HEXD: variants seen among roughly 807,000 people sequenced by gnomAD.
HEXD encodes hexosaminidase D.
In HEXD, 47 loss-of-function variants were observed where a neutral mutation model predicts 54.2. The observed-to-expected ratio is 0.87, with a 90% CI of 0.69 to 1.11. The LOEUF is 1.11. Among genes scored for constraint, HEXD ranks in the 50% least tolerant of loss-of-function variants. HEXD has a pLI of 0.00. For synonymous variants in HEXD, 293 were observed against 287.6 expected (o/e 1.02, Z -0.19); for missense variants, 576 against 649.2 (o/e 0.89, Z 1.23).
chr17:82,441,418 G>A, intron 11 of HEXD, 152 bp downstream of exon 11: 1 of 881,960 alleles, frequency 1.1e-6, no homozygotes, highest in Non-Finnish European at 1.7e-6. Flanking sequence ...TGAGGGGCAG[G>A]TGTGGGTGGG....
chr17:82,436,894 G>A (rs368892880), intron 7 of HEXD, 156 bp downstream of exon 7: 22 of 688,452 alleles, frequency 3.2e-5, no homozygotes, highest in East Asian at 1.7e-4. Context: ...ATGGTGCCTC[G>A]GGACGGCCAC....
rs150759806 is a variant in HEXD at position 82,419,780 on chromosome 17, A to T, written c.-20A>T. On this transcript the variant is annotated 5_prime_UTR_variant, in exon 2 of 13. Coordinates refer to ENST00000327949, the MANE Select transcript of HEXD (RefSeq NM_001330542.2). ...GTCCCCAAGGAGACTTCGCCATAGGAGTTCACAGGAAATATTGAAATGTCA... is the reference window on the plus strand; with the variant it reads ...GTCCCCAAGGAGACTTCGCCATAGGTGTTCACAGGAAATATTGAAATGTCA... 1.3e-6 allele frequency: 2 copies of T among 1,528,906 alleles called. No homozygotes were observed. The highest frequency in any genetic ancestry group is 3.4e-5 in the Admixed American group (2 of 59,622). The allele number at this position is 1,528,906 out of a possible 1,614,324, so 94.7% of individuals were successfully genotyped here.
At position 82,433,322 on chromosome 17, in the gene HEXD, A is replaced by G. The variant is rs538805658; in HGVS notation, c.283-336A>G. Among the ~76,000 whole-genome samples, 23 of 151,096 alleles carry G rather than the reference A, an allele frequency of 1.5e-4. 1 individual carries two copies. The highest frequency in any genetic ancestry group is 5.6e-4 in the African/African-American group (23 of 41,170). On this transcript the variant is annotated intron_variant, in intron 4 of 12. Transcript: ENST00000327949. Reference sequence around the variant, plus strand: ...CCAGGCGTGGTGGCACATGCCTGTAATCCCCAGCTACTGGGAAGGCTGAGG... The same window carrying G: ...CCAGGCGTGGTGGCACATGCCTGTAGTCCCCAGCTACTGGGAAGGCTGAGG...
Position 82,419,661 on chromosome 17 carries a change from A to G in HEXD, c.-51-88A>G, listed in dbSNP as rs941989503. The G allele has an allele frequency of 9.2e-6, 5 of 541,906 alleles. No homozygotes were observed. In the African/African-American group the frequency reaches 9.7e-5, roughly 11 times the overall value. 33.6% of individuals were successfully genotyped at this position (541,906 alleles called of 1,614,324 possible). The stretch of plus-strand genomic sequence containing the variant: ...CCAAGTTAATCTATCAAAACTGGCC[A>G]GTATCAGAACTGAAACTGAAAGTAT... On this transcript the variant is annotated intron_variant, in intron 1 of 12. Transcript: ENST00000327949.
Position 82,441,244 on chromosome 17 carries a change from G to T in HEXD, c.1141G>T (p.Asp381Tyr). The change falls in exon 11 of 13, where the codon GAT becomes TAT. Residue 381 changes from aspartate (D) to tyrosine (Y), a missense_variant. Asp to Tyr is a radical substitution (Grantham distance 160). Coordinates refer to ENST00000327949, the MANE Select transcript of HEXD (RefSeq NM_001330542.2). ...CAGCCTCCATCTGCGCAGCTCTGTG[G>T]ATGCGCTGCTGGAGGGCAACAGGTG... Reference protein sequence around the residue: ...QVSLHLRSSVDALLEGNRYVT... With the variant: ...QVSLHLRSSVYALLEGNRYVT... 6.2e-7 allele frequency: 1 copy of T among 1,607,214 alleles called. No homozygotes were observed.
intron 8 of HEXD, 59 bp from the exon 9 acceptor site, chr17:82,439,572 G>A (rs753540193): frequency 1.4e-5 from 21 of 1,499,930 alleles, no homozygotes; most frequent in South Asian, 2.7e-5. Context: ...AAGTCAGGGC[G>A]CCTGCGTCAG....
intron 4 of HEXD, among the ~76,000 whole-genome samples, chr17:82,431,463 C>G (rs1477282830): frequency 2.7e-5 from 4 of 149,766 alleles, no homozygotes; most frequent in Non-Finnish European, 5.9e-5. Flanking sequence ...GAGTTTCACT[C>G]TGTCACCCAG....
intron 9 of HEXD, chr17:82,440,658 A>G (rs924512576): frequency 2.3e-5 from 9 of 385,634 alleles, no homozygotes; most frequent in African/African-American, 1.9e-4. Flanking sequence ...TGTGTAAAAC[A>G]CAGTGGCAAA....
At chr17:82,419,594 T>C (rs1483887481) in intron 1 of HEXD, among the ~76,000 whole-genome samples, 155 bp from the exon 2 acceptor site, 1 of 152,210 alleles carries the variant, frequency 6.6e-6, no homozygotes, top group Non-Finnish European at 1.5e-5. Context: ...AACATGGAGG[T>C]AGACTTCCAG....
chr17:82,437,298 G>C lies in HEXD; in HGVS notation c.834G>C (p.Trp278Cys). The C allele has an allele frequency of 6.2e-7, 1 of 1,612,016 alleles. No homozygotes were observed. Among genetic ancestry groups the C allele is most frequent in the Non-Finnish European group, 8.5e-7 (1 of 1,179,486 alleles). Residue 278 changes from tryptophan to cysteine, a missense_variant, in exon 8 of 13, where the codon TGG becomes TGC. Physicochemically the swap from Trp to Cys is radical, Grantham distance 215 (BLOSUM62 -2). Coordinates refer to ENST00000327949, the MANE Select transcript of HEXD (RefSeq NM_001330542.2). ...VEHHLRNHVQ[W>C]LQVAGSGPTD... ...ACCACCTCAGGAACCACGTGCAGTG[G>C]CTGCAGGTGGCGGGCAGCGGGCCCA... is the stretch of plus-strand genomic sequence containing the variant.
chr17:82,427,456 T>C (rs1470504321), intron 3 of HEXD: 3 of 152,298 alleles, frequency 2.0e-5, no homozygotes, highest in African/African-American at 7.2e-5. Context: ...CTGCACCCCA[T>C]GCAGCCCACA....
rs369758275 is a variant in HEXD at position 82,441,248 on chromosome 17, C to T, written c.1145C>T (p.Ala382Val). The T allele has an allele frequency of 9.3e-6, 15 of 1,605,612 alleles. No homozygotes were observed. Among genetic ancestry groups the T allele is most frequent in the African/African-American group, 5.4e-5 (4 of 74,500 alleles). The change falls in exon 11 of 13, where the codon GCG becomes GTG. Residue 382 changes from alanine (A) to valine (V), a missense_variant. Transcript: ENST00000327949. ...CTCCATCTGCGCAGCTCTGTGGATG[C>T]GCTGCTGGAGGGCAACAGGTGAGCG... ...VSLHLRSSVDALLEGNRYVTG... is the reference protein window; with the variant it reads ...VSLHLRSSVDVLLEGNRYVTG...
At position 82,441,042 on chromosome 17, in the gene HEXD, G is replaced by C; in HGVS notation, c.1028G>C (p.Gly343Ala). The change falls in exon 10 of 13, where the codon GGG becomes GCG. Residue 343 changes from glycine to alanine, a missense_variant. Coordinates refer to ENST00000327949, the MANE Select transcript of HEXD (RefSeq NM_001330542.2). Reference protein sequence around the residue: ...DVKAKVENLLGISSLEKTDPV... With the variant: ...DVKAKVENLLAISSLEKTDPV... ...AAAGCGAAAGTGGAGAACCTTCTCGGGATTTCCAGCCTGGAAAAAACGGAC... is the reference window on the plus strand; with the variant it reads ...AAAGCGAAAGTGGAGAACCTTCTCGCGATTTCCAGCCTGGAAAAAACGGAC... The C allele has an allele frequency of 6.2e-7, 1 of 1,613,600 alleles. No individual in the cohort carries two copies. The highest frequency in any genetic ancestry group is 8.5e-7 in the Non-Finnish European group (1 of 1,180,002).
rs185823556 is a variant in HEXD at position 82,423,950 on chromosome 17, A to G, written c.85-444A>G. ...CCCCAGGTGCTGACCCCAACCCTTC[A>G]GAGCCCTGCTCCCCCTGCCCCGGCT... On this transcript the variant is annotated intron_variant, in intron 2 of 12. Transcript: ENST00000327949. Among the ~76,000 whole-genome samples, 286 of 151,308 alleles carry G rather than the reference A, an allele frequency of 1.9e-3. 3 individuals carry two copies. Among genetic ancestry groups the G allele is most frequent in the Middle Eastern group, 0.014 (4 of 294 alleles).
intron 6 of HEXD, among the ~76,000 whole-genome samples, 189 bp downstream of exon 6, chr17:82,436,061 G>A (rs1330172230): frequency 2.6e-5 from 4 of 152,250 alleles, no homozygotes; most frequent in Admixed American, 2.0e-4. Context: ...GTGGAGGTTT[G>A]GGCAGGAGAG....
rs1472398452 is a variant in HEXD, at chr17:82,435,583, C to T, written c.448-106C>T. On this transcript the variant is annotated intron_variant, in intron 5 of 12. Transcript: ENST00000327949. ...GCTCCGAGCCCCTCCCTGGCCTCCT[C>T]CCCACAGGCAGCGGCCCCTCTCCGT... is the stretch of plus-strand genomic sequence containing the variant. The T allele has an allele frequency of 7.7e-6, 9 of 1,173,432 alleles. No individual in the cohort carries two copies. The African/African-American group carries it at 1.1e-4, about 14-fold the overall frequency. 72.7% of individuals were successfully genotyped at this position (1,173,432 alleles called of 1,614,324 possible).
At chr17:82,437,042 T>A in intron 7 of HEXD, 126 bp from the exon 8 acceptor site, 1 of 857,156 alleles carries the variant, frequency 1.2e-6, no homozygotes, top group Non-Finnish European at 1.9e-6. Flanking sequence ...TCTCCTACAC[T>A]GAGACCCGGG....
intron 9 of HEXD, 136 bp from the exon 10 acceptor site, chr17:82,440,861 C>A: frequency 1.1e-6 from 1 of 948,266 alleles, no homozygotes; most frequent in Admixed American, 2.3e-5. Context: ...GGCCGGCACA[C>A]GCGGGGCTGG....
At chr17:82,440,333 C>T (rs1287076034) in intron 9 of HEXD, 81 of 1,238,102 alleles carry the variant, frequency 6.5e-5, no homozygotes, top group Non-Finnish European at 8.0e-5. Context: ...GGGACGCGGC[C>T]GGTGAGAGGA....
Sources: allele counts gnomAD v4.1 joint callset (sites outside exome capture counted in the v4.1 genomes callset), GRCh38; gene constraint gnomAD v4.1.1; transcripts MANE v1.5; gene names NCBI Gene and HGNC (gene_info 2026-07-23, HGNC 2026-07-21).